Variants in HS2ST1 observed in about 807,000 individuals in gnomAD.
The protein encoded by HS2ST1 is 2-O-sulfotransferase.
A neutral mutation model predicts 42.9 loss-of-function variants in HS2ST1; 18 were observed. The ratio of observed to expected loss-of-function variants is 0.42; its 90% CI spans 0.29 to 0.62. The LOEUF is 0.62. Ranked by LOEUF, HS2ST1 falls within the 20% of genes least tolerant of loss-of-function variation. HS2ST1 has a pLI of 0.21. For synonymous variants in HS2ST1, 146 were observed against 152.9 expected, an observed-to-expected ratio of 0.95 and a Z score of 0.33; for missense variants, 334 against 433.8, an observed-to-expected ratio of 0.77 and a Z score of 2.04.
At chr1:87,102,319 A>G (rs937177112) in intron 5 of HS2ST1, among the ~76,000 whole-genome samples, 1 of 152,130 alleles carries the variant, frequency 6.6e-6, no homozygotes, top group African/African-American at 2.4e-5. Flanking sequence ...TGGCCTCCCA[A>G]AGTGCTGGGA....
chr1:87,064,642 C>A, intron 1 of HS2ST1: 1 of 416,816 alleles, frequency 2.4e-6, no homozygotes. Flanking sequence ...GGTGATTGTG[C>A]TCAGGGAGAC....
intron 1 of HS2ST1, among the ~76,000 whole-genome samples, chr1:86,967,047 A>G (rs758640554): frequency 2.0e-5 from 3 of 152,022 alleles, no homozygotes; most frequent in Non-Finnish European, 2.9e-5. Context: ...ATATGCCACC[A>G]TGCCCAGCCG....
At chr1:87,064,136 G>T (rs777808989) in intron 1 of HS2ST1, among the ~76,000 whole-genome samples, 2 of 152,186 alleles carry the variant, frequency 1.3e-5, no homozygotes, top group African/African-American at 2.4e-5. Flanking sequence ...CTGTAGAGTG[G>T]TTATTATCTA....
chr1:87,090,339 A>G (rs929081165), intron 3 of HS2ST1, among the ~76,000 whole-genome samples: 2 of 152,034 alleles, frequency 1.3e-5, no homozygotes, highest in African/African-American at 4.8e-5. Context: ...CGAATGTGAC[A>G]GTGCTATGTA....
intron 1 of HS2ST1, among the ~76,000 whole-genome samples, chr1:86,973,668 T>C (rs1399022923): frequency 1.3e-5 from 2 of 152,186 alleles, no homozygotes; most frequent in South Asian, 4.1e-4. Context: ...GAAGGAAATA[T>C]CTTCTATCTT....
chr1:87,003,477 A>G (rs925649415), intron 1 of HS2ST1, among the ~76,000 whole-genome samples: 3 of 152,272 alleles, frequency 2.0e-5, no homozygotes, highest in East Asian at 3.9e-4. Flanking sequence ...CCATTAACCT[A>G]TTTAATCAGA....
intron 1 of HS2ST1, among the ~76,000 whole-genome samples, chr1:87,066,316 G>A (rs1651248878): frequency 1.3e-5 from 2 of 152,208 alleles, no homozygotes. Context: ...GGAGCTAAGT[G>A]TCCATCTTCA....
chr1:87,079,796 T>G (rs1371449419), intron 2 of HS2ST1, among the ~76,000 whole-genome samples: 1 of 151,898 alleles, frequency 6.6e-6, no homozygotes, highest in African/African-American at 2.4e-5. Flanking sequence ...ACTTTGGGAT[T>G]CTGGGAGGCT....
At chr1:87,067,586 G>A (rs1651287858) in intron 1 of HS2ST1, among the ~76,000 whole-genome samples, 1 of 151,968 alleles carries the variant, frequency 6.6e-6, no homozygotes, top group African/African-American at 2.4e-5. Flanking sequence ...GATCCCATTT[G>A]TCAATTTTGG....
At chr1:87,000,106 T>TAAA (rs140124849) in intron 1 of HS2ST1, among the ~76,000 whole-genome samples, 1 of 148,730 alleles carries the variant, frequency 6.7e-6, no homozygotes, top group Non-Finnish European at 1.5e-5. Context: ...CTTGACTCAT[T>TAAA]AAAAAAAAAA....
rs146667119 is a variant in HS2ST1, at chr1:86,952,588, A to G, written c.124+37428A>G. The stretch of plus-strand genomic sequence containing the variant: ...TTACTCTCTGATGCATGGGTTGCAG[A>G]ATAAATGTTGTGTTAGCAGTTATGA... On this transcript the variant is annotated intron_variant, in intron 1 of 6. Transcript: ENST00000370550. Among the ~76,000 whole-genome samples, 700 of 152,366 alleles carry G rather than the reference A, an allele frequency of 4.6e-3. 4 individuals are homozygous for G. Among genetic ancestry groups the G allele is most frequent in the Middle Eastern group, 0.02 (6 of 294 alleles).
chr1:86,971,288 A>C (rs1409920519), intron 1 of HS2ST1, among the ~76,000 whole-genome samples: 1 of 152,098 alleles, frequency 6.6e-6, no homozygotes, highest in African/African-American at 2.4e-5. Flanking sequence ...TCATTATTTA[A>C]AAAACAAAAC....
At chr1:87,079,607 G>A (rs1225743503) in intron 2 of HS2ST1, among the ~76,000 whole-genome samples, 1 of 152,154 alleles carries the variant, frequency 6.6e-6, no homozygotes, top group Middle Eastern at 3.2e-3. Context: ...CTATGTTAAT[G>A]AAACTTTAAC....
intron 1 of HS2ST1, among the ~76,000 whole-genome samples, chr1:87,002,575 A>T (rs113213655): frequency 0.038 from 5,740 of 151,138 alleles, 376 homozygotes; most frequent in African/African-American, 0.13. Flanking sequence ...ACTCAAGCCT[A>T]GGTGACAAGA....
chr1:87,002,890 A>G (rs955055089), intron 1 of HS2ST1, among the ~76,000 whole-genome samples: 9 of 152,200 alleles, frequency 5.9e-5, no homozygotes, highest in Non-Finnish European at 8.8e-5. Flanking sequence ...GGCTCTTGCA[A>G]CTTTTTAGCA....
chr1:87,083,581 T>C (rs1651742832), intron 2 of HS2ST1, among the ~76,000 whole-genome samples: 1 of 152,214 alleles, frequency 6.6e-6, no homozygotes, highest in African/African-American at 2.4e-5. Flanking sequence ...AATTTTTGTG[T>C]ACGTTAATTC....
At position 86,985,485 on chromosome 1, in the gene HS2ST1, C is replaced by T. The variant is rs868376908; in HGVS notation, c.124+70325C>T. On this transcript the variant is annotated intron_variant, in intron 1 of 6. Coordinates refer to ENST00000370550, the MANE Select transcript of HS2ST1 (RefSeq NM_012262.4). ...ATATACACATATATACACATATATA[C>T]ACATATATATACACATATATACACA... Among the ~76,000 whole-genome samples, 17 of 108,288 alleles carry T rather than the reference C, an allele frequency of 1.6e-4. 1 individual carries two copies. Among genetic ancestry groups the T allele is most frequent in the African/African-American group, 3.6e-4 (11 of 30,658 alleles). The allele number at this position is 108,288 out of a possible 152,430, so 71.0% of individuals were successfully genotyped here.
intron 1 of HS2ST1, among the ~76,000 whole-genome samples, chr1:87,038,980 T>C (rs1650453074): frequency 6.6e-6 from 1 of 152,226 alleles, no homozygotes; most frequent in South Asian, 2.1e-4. Flanking sequence ...TTGAAAAGTA[T>C]TTTTAAATTT....
intron 1 of HS2ST1, among the ~76,000 whole-genome samples, chr1:87,070,560 C>A (rs1269099971): frequency 2.6e-5 from 4 of 152,262 alleles, no homozygotes; most frequent in Admixed American, 2.6e-4. Context: ...CCACTGCACT[C>A]CAGCCTGGGT....
Sources: allele counts gnomAD v4.1 joint callset (sites outside exome capture counted in the v4.1 genomes callset), GRCh38; gene constraint gnomAD v4.1.1; transcripts MANE v1.5; gene names NCBI Gene and HGNC (gene_info 2026-07-23, HGNC 2026-07-21).